The following CDC27 variants were observed in gnomAD, a reference collection of about 807,000 sequenced individuals.
The protein encoded by CDC27 is cell division cycle 27, also known as cell division cycle protein 27 homolog.
Under a neutral mutation model 109.7 loss-of-function variants are expected in CDC27, and 27 were observed. The ratio of observed to expected loss-of-function variants is 0.25; its 90% CI spans 0.18 to 0.34. CDC27 has a LOEUF of 0.34. Among genes scored for constraint, CDC27 ranks in the 10% least tolerant of loss-of-function variants. The pLI is 1.00. For missense variants in CDC27, 579 were observed against 960.2 expected (o/e 0.60, Z 5.25); for synonymous variants, 266 against 333.9 (o/e 0.80, Z 2.22).
intron 14 of CDC27, among the ~76,000 whole-genome samples, chr17:47,132,888 C>T (rs1289358411): frequency 7.0e-6 from 1 of 142,980 alleles, no homozygotes; most frequent in African/African-American, 2.6e-5. Flanking sequence ...ATCCTCCCAC[C>T]TCAGCATCCT....
chr17:47,165,583 T>C (rs1266203916), intron 4 of CDC27, among the ~76,000 whole-genome samples: 3 of 152,352 alleles, frequency 2.0e-5, no homozygotes, highest in East Asian at 1.9e-4. Flanking sequence ...GTGTTGTTTA[T>C]GGGATTTGCA....
rs1568351700 is a variant in CDC27 at position 47,119,749 on chromosome 17, T to C, written c.*1186A>G. On this transcript the variant is annotated 3_prime_UTR_variant, in exon 19 of 19. Transcript: ENST00000066544. ...ATTTTCCAAAGACACCAATCTATAT[T>C]ATGACAAACTCAGAAGAGAACCTAT... is the stretch of plus-strand genomic sequence containing the variant. The C allele has an allele frequency of 6.6e-6, 1 of 152,200 alleles. No individual in the cohort carries two copies. The highest frequency in any genetic ancestry group is 1.5e-5 in the Non-Finnish European group (1 of 68,038). The allele number at this position is 152,200 out of a possible 1,614,324, so 9.4% of individuals were successfully genotyped here. A position where few individuals can be genotyped will look rare whatever the true frequency, so the allele number is the denominator to read the frequency against.
At chr17:47,176,529 A>G (rs1007232026) in intron 2 of CDC27, among the ~76,000 whole-genome samples, 1 of 152,216 alleles carries the variant, frequency 6.6e-6, no homozygotes, top group African/African-American at 2.4e-5. Flanking sequence ...AAGTTTTAAA[A>G]GGCTCCTTAG....
At chr17:47,127,490 C>T (rs1311843818) in intron 16 of CDC27, among the ~76,000 whole-genome samples, 4 of 151,626 alleles carry the variant, frequency 2.6e-5, no homozygotes, top group African/African-American at 9.7e-5. Flanking sequence ...GCAACCTCTG[C>T]CTTCCAGTTT....
chr17:47,137,318 G>C lies in CDC27; in HGVS notation c.1747C>G (p.His583Asp), dbSNP rs1278429471. Residue 583 changes from histidine to aspartate, a missense_variant, in exon 14 of 19, where the codon CAT becomes GAT. Coordinates refer to ENST00000066544, the MANE Select transcript of CDC27 (RefSeq NM_001256.6). ...AGNCFSLQRE[H>D]DIAIKFFQRA... The stretch of plus-strand genomic sequence containing the variant: ...TGGAAGAATTTAATTGCAATATCAT[G>C]TTCCCGTTGCAGACTGAAACAGTTC... 1 of 1,609,228 alleles carries C rather than the reference G, an allele frequency of 6.2e-7. No homozygotes were observed. Among genetic ancestry groups the C allele is most frequent in the African/African-American group, 1.3e-5 (1 of 74,870 alleles).
chr17:47,164,679 T>C (rs1439194852), intron 4 of CDC27, among the ~76,000 whole-genome samples: 2 of 152,068 alleles, frequency 1.3e-5, no homozygotes, highest in Non-Finnish European at 2.9e-5. Context: ...TAGCTGGGCA[T>C]GGTGGCGCTC....
At chr17:47,125,216 G>A (rs1187910099) in intron 16 of CDC27, among the ~76,000 whole-genome samples, 2 of 139,524 alleles carry the variant, frequency 1.4e-5, no homozygotes, top group Non-Finnish European at 3.1e-5. Flanking sequence ...CACTGCACCC[G>A]GCCTTACTTT....
chr17:47,126,096 G>A (rs2148801588), intron 16 of CDC27, among the ~76,000 whole-genome samples: 1 of 152,256 alleles, frequency 6.6e-6, no homozygotes, highest in East Asian at 1.9e-4. Flanking sequence ...TTAAATATCA[G>A]TACAGCACAT....
In CDC27 at chr17:47,120,666, G is replaced by A. The variant is rs2061959733; in HGVS notation, c.*269C>T. On this transcript the variant is annotated 3_prime_UTR_variant, in exon 19 of 19. Coordinates refer to ENST00000066544, the MANE Select transcript of CDC27 (RefSeq NM_001256.6). ...TTCATGATACTTTCCAACAAAGGGA[G>A]ATTAAAGAAAAACAGAAAAGAAAGT... The A allele has an allele frequency of 1.2e-5, 4 of 332,932 alleles. No individual in the cohort carries two copies. The East Asian group carries it at 1.9e-4, about 16-fold the overall frequency. The allele number at this position is 332,932 out of a possible 1,614,324, so 20.6% of individuals were successfully genotyped here.
chr17:47,182,327 T>C (rs11570456), intron 1 of CDC27, among the ~76,000 whole-genome samples: 3 of 152,310 alleles, frequency 2.0e-5, no homozygotes, highest in Admixed American at 6.5e-5. Flanking sequence ...AAAGTATATA[T>C]GAGATAGAAG....
chr17:47,182,965 A>G (rs767060231), intron 1 of CDC27, among the ~76,000 whole-genome samples: 18 of 152,272 alleles, frequency 1.2e-4, no homozygotes, highest in Admixed American at 3.3e-4. Flanking sequence ...GTTCAAGGCT[A>G]TGATCATACC....
intron 8 of CDC27, among the ~76,000 whole-genome samples, chr17:47,152,680 C>T (rs963165800): frequency 1.2e-4 from 19 of 152,158 alleles, no homozygotes; most frequent in African/African-American, 4.1e-4. Flanking sequence ...ATGTCCTGTA[C>T]ACAATCCTCA....
chr17:47,160,627 T>C (rs1028444590), intron 4 of CDC27, among the ~76,000 whole-genome samples: 1 of 152,168 alleles, frequency 6.6e-6, no homozygotes, highest in Admixed American at 6.5e-5. Flanking sequence ...GGTCTGAAGT[T>C]CAAATGCTTC....
rs191352596 is a variant in CDC27 at position 47,124,424 on chromosome 17, C to A, written c.2161-464G>T. Among the ~76,000 whole-genome samples the A allele has an allele frequency of 2.3e-4, 35 of 152,264 alleles. No homozygotes were observed. In the East Asian group the frequency reaches 5.6e-3, roughly 24 times the overall value. ...TCAGCCTCCCGCGTAACTGGGATTA[C>A]AGGCATGCGCCACCACACCCAGCTA... is the stretch of plus-strand genomic sequence containing the variant. On this transcript the variant is annotated intron_variant, in intron 16 of 18. Coordinates refer to ENST00000066544, the MANE Select transcript of CDC27 (RefSeq NM_001256.6).
rs55717332 is a variant in CDC27, at chr17:47,133,106, C to CATAT, written c.1914-736_1914-733dup. On this transcript the variant is annotated intron_variant, in intron 14 of 18. Coordinates refer to ENST00000066544, the MANE Select transcript of CDC27 (RefSeq NM_001256.6). ...ACACAAACACACACACACAAATATA[C>CATAT]ATATATATATATATATATATATATA... Among the ~76,000 whole-genome samples, 65 of 98,006 alleles carry CATAT rather than the reference C, an allele frequency of 6.6e-4. No homozygotes were observed. The East Asian group carries it at 1.0e-2, about 15-fold the overall frequency. The allele number at this position is 98,006 out of a possible 152,430, so 64.3% of individuals were successfully genotyped here.
At chr17:47,143,677 AT>A (rs1254870295) in intron 10 of CDC27, among the ~76,000 whole-genome samples, 10 of 152,082 alleles carry the variant, frequency 6.6e-5, no homozygotes, top group African/African-American at 2.4e-4. Flanking sequence ...GAGAAAAAAA[AT>A]TTTTTAATTA....
intron 14 of CDC27, among the ~76,000 whole-genome samples, chr17:47,133,014 T>TAC (rs1568373770): frequency 4.4e-5 from 2 of 45,390 alleles, no homozygotes; most frequent in African/African-American, 1.4e-4. Flanking sequence ...TATATATATA[T>TAC]ATATATATAT....
At chr17:47,154,898 G>A (rs1190044762) in intron 7 of CDC27, 112 bp from the exon 8 acceptor site, 1 of 582,774 alleles carries the variant, frequency 1.7e-6, no homozygotes, top group Non-Finnish European at 3.1e-6. Context: ...CAGTCTTAGG[G>A]ACAGTGAGGA....
intron 2 of CDC27, among the ~76,000 whole-genome samples, chr17:47,178,455 G>A (rs964117698): frequency 9.3e-5 from 14 of 151,016 alleles, no homozygotes; most frequent in African/African-American, 3.4e-4. Flanking sequence ...GGATTGTTTG[G>A]GCCTGGGAGG....
Sources: gnomAD v4.1 joint callset for allele counts (sites outside exome capture counted in the v4.1 genomes callset) on GRCh38, gnomAD v4.1.1 for gene constraint, MANE v1.5 for transcripts, NCBI Gene and HGNC (gene_info 2026-07-23, HGNC 2026-07-21) for gene names.